Variants in ITIH6 observed in about 807,000 individuals in gnomAD.
ITIH6 encodes inter-alpha-trypsin inhibitor heavy chain H6.
ITIH6 carries 60 observed loss-of-function variants against 58.2 expected under a neutral mutation model. The ratio of observed to expected loss-of-function variants is 1.03; its 90% CI spans 0.84 to 1.28. The LOEUF (loss-of-function observed/expected upper bound fraction) is 1.28. Ranked by LOEUF, ITIH6 falls within the 50% of genes most tolerant of loss-of-function variation. The pLI is 0.00. For missense variants in ITIH6, 1,290 were observed against 1,021.1 expected (o/e 1.26, Z -3.59); for synonymous variants, 493 against 417.4 (o/e 1.18, Z -2.21).
Position 54,763,192 on chromosome X carries a change from G to T in ITIH6, c.904-3265C>A, listed in dbSNP as rs773524995. On this transcript the variant is annotated intron_variant, in intron 6 of 12. Coordinates refer to ENST00000218436, the MANE Select transcript of ITIH6 (RefSeq NM_198510.3). Reference sequence around the variant, plus strand: ...ACCCACCTTTCTCTATAACTTAAACGGATAGGAAATATCTTGAATGCTTCT... The same window carrying T: ...ACCCACCTTTCTCTATAACTTAAACTGATAGGAAATATCTTGAATGCTTCT... Among the ~76,000 whole-genome samples, 151 of 111,859 alleles carry T rather than the reference G, an allele frequency of 1.3e-3. 3 individuals are homozygous for T. The highest frequency in any genetic ancestry group is 4.4e-3 in the African/African-American group (135 of 30,841).
At chrX:54,760,088 C>T (rs1349529721) in intron 6 of ITIH6, among the ~76,000 whole-genome samples, 161 bp from the exon 7 acceptor site, 2 of 111,837 alleles carry the variant, frequency 1.8e-5, no homozygotes, top group African/African-American at 6.5e-5. Flanking sequence ...TGAAAAGACT[C>T]TATGGGTTCC....
At chrX:54,772,549 T>A (rs753459958) in intron 6 of ITIH6, among the ~76,000 whole-genome samples, 67 of 112,626 alleles carry the variant, frequency 5.9e-4, no homozygotes, top group Middle Eastern at 4.6e-3. Flanking sequence ...GTTTGATAAT[T>A]TCGACATATC....
In ITIH6 at chrX:54,758,187, C is replaced by T. The variant is rs369772919; in HGVS notation, c.1887G>A (p.Gly629=). The change falls in exon 8 of 13, where the codon GGG becomes GGA. Residue 629 remains glycine, a synonymous_variant. Coordinates refer to ENST00000218436, the MANE Select transcript of ITIH6 (RefSeq NM_198510.3). ...ETRRQTSTSA[G]PDTIMPSSSS... is the part of the protein sequence containing the mutation. ...TGGATGAGGGCATGATGGTGTCTGGCCCAGCAGAGGTGGAAGTCTGTCTCC... is the reference window on the plus strand; with the variant it reads ...TGGATGAGGGCATGATGGTGTCTGGTCCAGCAGAGGTGGAAGTCTGTCTCC... 23 of 1,209,488 alleles carry T rather than the reference C, an allele frequency of 1.9e-5. No homozygotes were observed. In the African/African-American group the frequency reaches 3.0e-4, roughly 16 times the overall value.
At chrX:54,764,528 C>A (rs1318286761) in intron 6 of ITIH6, among the ~76,000 whole-genome samples, 7 of 106,143 alleles carry the variant, frequency 6.6e-5, no homozygotes, top group Non-Finnish European at 9.7e-5. Context: ...TTTGTTCTTG[C>A]GATAGTTTAC....
intron 5 of ITIH6, among the ~76,000 whole-genome samples, chrX:54,785,036 G>A (rs1181000375): frequency 9.0e-6 from 1 of 111,482 alleles, no homozygotes; most frequent in Non-Finnish European, 1.9e-5. Flanking sequence ...AGGTCCTGTC[G>A]TTTGCAACAA....
intron 6 of ITIH6, among the ~76,000 whole-genome samples, chrX:54,761,521 G>A (rs1398037242): frequency 9.0e-6 from 1 of 111,421 alleles, no homozygotes; most frequent in Non-Finnish European, 1.9e-5. Flanking sequence ...CCATGCCTAC[G>A]TCCTGAATGG....
intron 5 of ITIH6, among the ~76,000 whole-genome samples, chrX:54,774,996 C>G (rs1268922155): frequency 8.9e-6 from 1 of 111,806 alleles, no homozygotes; most frequent in Non-Finnish European, 1.9e-5. Context: ...CCTCTCTGCC[C>G]TTCAGTCACT....
At chrX:54,777,240 G>A (rs751630905) in intron 5 of ITIH6, among the ~76,000 whole-genome samples, 1 of 112,796 alleles carries the variant, frequency 8.9e-6, no homozygotes. Context: ...GAAAGGCAGA[G>A]TGAGAGGAAG....
At chrX:54,788,287 G>A (rs1405217267) in intron 5 of ITIH6, among the ~76,000 whole-genome samples, 193 bp downstream of exon 5, 6 of 111,732 alleles carry the variant, frequency 5.4e-5, no homozygotes, top group Non-Finnish European at 9.4e-5. Flanking sequence ...GACAGTTCCA[G>A]GTCTCCAACC....
At chrX:54,761,553 G>A (rs1252762460) in intron 6 of ITIH6, among the ~76,000 whole-genome samples, 5 of 111,497 alleles carry the variant, frequency 4.5e-5, no homozygotes, top group Non-Finnish European at 9.4e-5. Context: ...TTTTCTTCTA[G>A]GGTTTTTATG....
intron 1 of ITIH6, among the ~76,000 whole-genome samples, 169 bp downstream of exon 1, chrX:54,797,940 C>A (rs145348716): frequency 1.5e-4 from 17 of 111,305 alleles, no homozygotes; most frequent in African/African-American, 5.6e-4. Flanking sequence ...ATTCTGGGAC[C>A]CCTGGTGCAG....
chrX:54,759,895 G>A lies in ITIH6; in HGVS notation c.936C>T (p.Asp312=). The A allele has an allele frequency of 8.3e-7, 1 of 1,209,904 alleles. No homozygotes were observed. The highest frequency in any genetic ancestry group is 1.1e-6 in the Non-Finnish European group (1 of 894,056). ...TKTAMNVILS[D]LQANDYFNII... The stretch of plus-strand genomic sequence containing the variant: ...TGTTGAAGTAGTCATTGGCTTGAAG[G>A]TCACTGAGGATCACATTCATGGCCG... The change falls in exon 7 of 13, where the codon GAC becomes GAT. Residue 312 remains aspartate (D), a synonymous_variant. Coordinates refer to ENST00000218436, the MANE Select transcript of ITIH6 (RefSeq NM_198510.3).
At position 54,756,509 on chromosome X, in the gene ITIH6, T is replaced by C. The variant is rs1191809151; in HGVS notation, c.3109+456A>G. On this transcript the variant is annotated intron_variant, in intron 8 of 12. Transcript: ENST00000218436. ...TGTTAACTTATTATTTCATACTTTT[T>C]TTGGAAATTAAAGATAATTTTAATT... 2.1e-4 allele frequency among the ~76,000 whole-genome samples: 24 copies of C among 111,682 alleles called. No individual in the cohort carries two copies. In the Admixed American group the frequency reaches 2.3e-3, roughly 11 times the overall value.
At chrX:54,784,818 T>A (rs1369307718) in intron 5 of ITIH6, among the ~76,000 whole-genome samples, 1 of 111,760 alleles carries the variant, frequency 8.9e-6, no homozygotes, top group Non-Finnish European at 1.9e-5. Context: ...GGCTTCATCA[T>A]ACAATCCGGC....
chrX:54,762,326 A>G (rs1006615090), intron 6 of ITIH6, among the ~76,000 whole-genome samples: 11 of 111,642 alleles, frequency 9.9e-5, no homozygotes, highest in Non-Finnish European at 1.7e-4. Context: ...TATCAGCTTA[A>G]GGAGATTTTG....
chrX:54,755,047 A>C lies in ITIH6; in HGVS notation c.3172T>G (p.Ser1058Ala). ...GCTAACCCCACAGAACTTCCTTGAG[A>C]TTCCATGCTGCCTCCAGCTCCTCCC... is the stretch of plus-strand genomic sequence containing the variant. Reference protein sequence around the residue: ...ILGGAGGSMESQGSSVGLAKG... With the variant: ...ILGGAGGSMEAQGSSVGLAKG... Residue 1058 changes from serine (S) to alanine (A), a missense_variant, in exon 9 of 13, where the codon TCT becomes GCT. By Grantham distance (99) the Ser-to-Ala change is moderately conservative. Transcript: ENST00000218436. The C allele has an allele frequency of 8.3e-7, 1 of 1,211,101 alleles. No homozygotes were observed. Among genetic ancestry groups the C allele is most frequent in the South Asian group, 1.8e-5 (1 of 56,904 alleles).
chrX:54,766,177 G>T (rs1283975964), intron 6 of ITIH6, among the ~76,000 whole-genome samples: 2 of 110,623 alleles, frequency 1.8e-5, no homozygotes, highest in Non-Finnish European at 1.9e-5. Context: ...GTTCACTCAT[G>T]ATTTGGCTCT....
chrX:54,767,515 C>G (rs1186826157), intron 6 of ITIH6, among the ~76,000 whole-genome samples: 5 of 99,581 alleles, frequency 5.0e-5, no homozygotes, highest in Admixed American at 1.0e-4. Context: ...CCTGCTTTCT[C>G]TTGTGGGCAT....
At chrX:54,796,846 T>C (rs2147623570) in intron 2 of ITIH6, 96 bp downstream of exon 2, 1 of 885,749 alleles carries the variant, frequency 1.1e-6, no homozygotes, top group East Asian at 3.3e-5. Flanking sequence ...TCAGAGTGCA[T>C]TGTCTTAATC....
Sources: allele counts gnomAD v4.1 joint callset (sites outside exome capture counted in the v4.1 genomes callset), GRCh38; gene constraint gnomAD v4.1.1; transcripts MANE v1.5; gene names NCBI Gene and HGNC (gene_info 2026-07-23, HGNC 2026-07-21).